The following DPYSL3 variants were observed in gnomAD, a reference collection of about 807,000 sequenced individuals.
DPYSL3 encodes dihydropyrimidinase like 3, also known as dihydropyrimidinase-related protein 3.
DPYSL3 carries 16 observed loss-of-function variants against 66.1 expected under a neutral mutation model. That is an observed-to-expected ratio of 0.24 (90% CI 0.16 to 0.37). DPYSL3 has a LOEUF of 0.37. Ranked by LOEUF, DPYSL3 falls within the 10% of genes least tolerant of loss-of-function variation. The probability of loss-of-function intolerance (pLI) is 1.00; values close to 1 mark genes in which losing one functional copy is unlikely to be tolerated. For synonymous variants in DPYSL3, 338 were observed against 345.1 expected (o/e 0.98, Z 0.23); for missense variants, 738 against 916.2 (o/e 0.81, Z 2.51).
At chr5:147,404,316 T>C (rs1758276921) in intron 8 of DPYSL3, among the ~76,000 whole-genome samples, 1 of 152,064 alleles carries the variant, frequency 6.6e-6, no homozygotes, top group Non-Finnish European at 1.5e-5. Flanking sequence ...AGGAAGAGTG[T>C]CTAGACAATG....
At chr5:147,405,938 C>T (rs1758315971) in intron 7 of DPYSL3, 1 of 513,954 alleles carries the variant, frequency 1.9e-6, no homozygotes, top group Admixed American at 3.6e-5. Flanking sequence ...CTCTATCCCT[C>T]ACTAGTAAAA....
chr5:147,408,699 T>C, intron 7 of DPYSL3, 29 bp downstream of exon 7: 1 of 1,610,768 alleles, frequency 6.2e-7, no homozygotes. Flanking sequence ...TCATGCGTTG[T>C]GTGTGCACCT....
intron 13 of DPYSL3, 70 bp from the exon 14 acceptor site, chr5:147,394,193 G>C (rs962263717): frequency 4.4e-5 from 66 of 1,496,152 alleles, no homozygotes; most frequent in Admixed American, 7.0e-5. Context: ...GTGGGCAAGA[G>C]AGAAACTGGG....
intron 1 of DPYSL3, among the ~76,000 whole-genome samples, chr5:147,463,418 G>C (rs2126413194): frequency 6.6e-6 from 1 of 152,276 alleles, no homozygotes; most frequent in Non-Finnish European, 1.5e-5. Flanking sequence ...ACCCTAGGCA[G>C]CGTTGACTTG....
chr5:147,415,679 G>A (rs1410944923), intron 4 of DPYSL3, 30 bp downstream of exon 4: 1 of 1,606,476 alleles, frequency 6.2e-7, no homozygotes, highest in Non-Finnish European at 8.5e-7. Context: ...GAAGCTAAGA[G>A]AGGAGGGAGG....
intron 1 of DPYSL3, among the ~76,000 whole-genome samples, chr5:147,456,621 G>A (rs1035976988): frequency 8.3e-6 from 1 of 120,096 alleles, no homozygotes; most frequent in Non-Finnish European, 1.6e-5. Context: ...ACAGAGTCTC[G>A]CTCTTGTTGC....
chr5:147,482,771 T>G (rs570534423), intron 1 of DPYSL3, among the ~76,000 whole-genome samples: 1 of 152,346 alleles, frequency 6.6e-6, no homozygotes, highest in East Asian at 1.9e-4. Context: ...ATAAAGATAC[T>G]GCCTTAGACT....
chr5:147,433,513 A>G (rs1429686241), intron 1 of DPYSL3, among the ~76,000 whole-genome samples: 3 of 152,186 alleles, frequency 2.0e-5, no homozygotes, highest in Non-Finnish European at 4.4e-5. Flanking sequence ...TGTAGGTAGC[A>G]ACTGAGGGAG....
In DPYSL3 at chr5:147,394,084, C is replaced by A; in HGVS notation, c.2006G>T (p.Arg669Leu). 1 of 1,614,090 alleles carries A rather than the reference C, an allele frequency of 6.2e-7. No homozygotes were observed. Among genetic ancestry groups the A allele is most frequent in the Non-Finnish European group, 8.5e-7 (1 of 1,180,018 alleles). ...ACGGCCGCCTGGGGGCGCCACGATG[C>A]GCTTGCTGGCTGAGCGAACCCCCTC... ...VDEGVRSASK[R>L]IVAPPGGRSN... Residue 669 changes from arginine (R) to leucine (L), a missense_variant, in exon 14 of 14, where the codon CGC becomes CTC. Physicochemically the swap from Arg to Leu is moderately radical, Grantham distance 102. Transcript: ENST00000343218.
Position 147,509,395 on chromosome 5 carries a change from G to C in DPYSL3, c.381+83C>G. The C allele has an allele frequency of 7.0e-7, 1 of 1,434,402 alleles. No homozygotes were observed. The highest frequency in any genetic ancestry group is 9.1e-7 in the Non-Finnish European group (1 of 1,095,310). 88.9% of individuals were successfully genotyped at this position (1,434,402 alleles called of 1,614,324 possible). A position where few individuals can be genotyped will look rare whatever the true frequency, so the allele number is the denominator to read the frequency against. On this transcript the variant is annotated intron_variant, in intron 1 of 13. Transcript: ENST00000343218. The surrounding 1 kb of genome is among the most constrained non-coding windows in gnomAD (Gnocchi z 5.3). ...CCCCAGCCCCGTGCAAAGTGAGCTG[G>C]AGAAAGTTGTGCCCGGGCCATGGCG...
At chr5:147,507,323 G>A (rs964038840) in intron 1 of DPYSL3, among the ~76,000 whole-genome samples, 3 of 151,768 alleles carry the variant, frequency 2.0e-5, no homozygotes, top group Admixed American at 2.0e-4. Flanking sequence ...GAAACTACAG[G>A]TAGGTAGATT....
At chr5:147,396,155 C>T (rs947008915) in intron 12 of DPYSL3, among the ~76,000 whole-genome samples, 3 of 152,152 alleles carry the variant, frequency 2.0e-5, no homozygotes, top group Non-Finnish European at 4.4e-5. Context: ...GACACGAGGT[C>T]GCAGGTCCTG....
chr5:147,440,718 T>G (rs569244873), intron 1 of DPYSL3, among the ~76,000 whole-genome samples: 2 of 152,208 alleles, frequency 1.3e-5, no homozygotes, highest in African/African-American at 2.4e-5. Context: ...TCCTGTCTAA[T>G]CAATTAAGTG....
intron 1 of DPYSL3, among the ~76,000 whole-genome samples, chr5:147,453,095 C>A (rs996613281): frequency 7.9e-5 from 12 of 152,092 alleles, no homozygotes; most frequent in Admixed American, 1.3e-4. Flanking sequence ...GGGGCTGGAG[C>A]TGGGAGAGGG....
At chr5:147,479,579 C>T (rs1464981219) in intron 1 of DPYSL3, among the ~76,000 whole-genome samples, 2 of 152,168 alleles carry the variant, frequency 1.3e-5, no homozygotes, top group African/African-American at 4.8e-5. Flanking sequence ...TCAGAGCAAC[C>T]ACAGAGCCAA....
At chr5:147,399,399 C>T in intron 10 of DPYSL3, 147 bp from the exon 11 acceptor site, 1 of 894,670 alleles carries the variant, frequency 1.1e-6, no homozygotes, top group Non-Finnish European at 1.6e-6. Flanking sequence ...GAACCTCACT[C>T]AGCAAGCTCG....
chr5:147,504,138 A>G lies in DPYSL3; in HGVS notation c.381+5340T>C, dbSNP rs190820451. Among the ~76,000 whole-genome samples, 740 of 152,280 alleles carry G rather than the reference A, an allele frequency of 4.9e-3. 2 individuals are homozygous for G. Among genetic ancestry groups the G allele is most frequent in the South Asian group, 0.018 (89 of 4,814 alleles). On this transcript the variant is annotated intron_variant, in intron 1 of 13. Coordinates refer to ENST00000343218, the MANE Select transcript of DPYSL3 (RefSeq NM_001197294.2). ...TCATAGAAACATTACTTGTCAGGAT[A>G]ACGCCCAGTGGAAATAAATCACCAG...
chr5:147,506,421 G>T (rs765642025), intron 1 of DPYSL3, among the ~76,000 whole-genome samples: 1 of 152,076 alleles, frequency 6.6e-6, no homozygotes, highest in African/African-American at 2.4e-5. Flanking sequence ...CATATGTTCC[G>T]TAAAAGTCCA....
intron 1 of DPYSL3, among the ~76,000 whole-genome samples, chr5:147,433,631 G>A (rs1274442009): frequency 6.6e-6 from 1 of 152,102 alleles, no homozygotes; most frequent in Non-Finnish European, 1.5e-5. Context: ...CTGAGTGAAG[G>A]TAAATCTTTC....
Sources: allele counts gnomAD v4.1 joint callset (sites outside exome capture counted in the v4.1 genomes callset), GRCh38; gene constraint gnomAD v4.1.1; non-coding constraint Gnocchi (gnomAD v3.1); transcripts MANE v1.5; gene names NCBI Gene and HGNC (gene_info 2026-07-23, HGNC 2026-07-21).